ROBO1: variants seen among roughly 807,000 people sequenced by gnomAD.
The protein encoded by ROBO1 is roundabout homolog 1.
A neutral mutation model predicts 195.9 loss-of-function variants in ROBO1; 149 were observed. That is an observed-to-expected ratio of 0.76 (90% CI 0.67 to 0.87). The LOEUF is 0.87. Among genes scored for constraint, ROBO1 ranks in the 40% least tolerant of loss-of-function variants. ROBO1 has a pLI of 0.00. For missense variants in ROBO1, 1,933 were observed against 2,068.3 expected, an observed-to-expected ratio of 0.93 and a Z score of 1.27; for synonymous variants, 816 against 733.2, an observed-to-expected ratio of 1.11 and a Z score of -1.82.
chr3:78,742,328 TA>T, intron 5 of ROBO1, among the ~76,000 whole-genome samples: 1 of 152,248 alleles, frequency 6.6e-6, no homozygotes, highest in African/African-American at 2.4e-5. Flanking sequence ...ATACAAAGCT[TA>T]GGAAAGAAGA....
chr3:79,158,571 T>C (rs1041901656), intron 2 of ROBO1, among the ~76,000 whole-genome samples: 1 of 151,784 alleles, frequency 6.6e-6, no homozygotes, highest in Non-Finnish European at 1.5e-5. Flanking sequence ...TGTTTCCTTG[T>C]ATTGTTTAAG....
chr3:79,616,895 G>T (rs1038656563), intron 1 of ROBO1, among the ~76,000 whole-genome samples: 1 of 152,172 alleles, frequency 6.6e-6, no homozygotes. Flanking sequence ...CAGCATTTCT[G>T]CAGTGGACTG....
rs148965669 is a variant in ROBO1 at position 78,834,525 on chromosome 3, T to C, written c.500-87625A>G. Reference sequence around the variant, plus strand: ...TTATTAGAAATACATCTCCAGCACTTCCATATTAACATCAAAACCACAAAT... The same window carrying C: ...TTATTAGAAATACATCTCCAGCACTCCCATATTAACATCAAAACCACAAAT... On this transcript the variant is annotated intron_variant, in intron 4 of 30. Transcript: ENST00000464233. Among the ~76,000 whole-genome samples, 435 of 151,404 alleles carry C rather than the reference T, an allele frequency of 2.9e-3. 4 individuals are homozygous for C. The highest frequency in any genetic ancestry group is 9.6e-3 in the African/African-American group (397 of 41,222).
At chr3:78,722,596 A>C (rs574777401) in intron 5 of ROBO1, among the ~76,000 whole-genome samples, 1 of 152,280 alleles carries the variant, frequency 6.6e-6, no homozygotes, top group African/African-American at 2.4e-5. Context: ...AGGTCAACTA[A>C]ATAGCACCTT....
intron 3 of ROBO1, among the ~76,000 whole-genome samples, chr3:79,053,755 C>T (rs547830501): frequency 5.2e-4 from 79 of 152,030 alleles, no homozygotes; most frequent in Non-Finnish European, 8.2e-4. Context: ...CCTGTCACTT[C>T]TATGCCAACT....
intron 4 of ROBO1, among the ~76,000 whole-genome samples, chr3:78,818,504 T>C (rs1302499179): frequency 6.6e-6 from 1 of 152,200 alleles, no homozygotes; most frequent in Non-Finnish European, 1.5e-5. Context: ...ACACTTGGGC[T>C]TGGACCCAGC....
chr3:78,924,687 C>T (rs907771141), intron 4 of ROBO1, among the ~76,000 whole-genome samples: 2 of 151,716 alleles, frequency 1.3e-5, no homozygotes, highest in African/African-American at 4.8e-5. Flanking sequence ...TCCTACCTCC[C>T]CTAAGTAGCA....
At chr3:79,216,181 G>A (rs2082052912) in intron 2 of ROBO1, among the ~76,000 whole-genome samples, 1 of 151,622 alleles carries the variant, frequency 6.6e-6, no homozygotes, top group Non-Finnish European at 1.5e-5. Context: ...ATTTTTTTAA[G>A]GAAACTTATT....
intron 2 of ROBO1, among the ~76,000 whole-genome samples, chr3:79,543,142 T>C (rs1942139074): frequency 6.6e-6 from 1 of 152,094 alleles, no homozygotes; most frequent in African/African-American, 2.4e-5. Context: ...AAGCTATTCA[T>C]TAGCTGTCAT....
At chr3:79,322,924 C>A (rs2034048236) in intron 2 of ROBO1, among the ~76,000 whole-genome samples, 1 of 152,126 alleles carries the variant, frequency 6.6e-6, no homozygotes, top group Admixed American at 6.6e-5. Flanking sequence ...ATTTGTTAAT[C>A]TTTTAAATCT....
chr3:78,731,253 T>A (rs888777759), intron 5 of ROBO1, among the ~76,000 whole-genome samples: 1 of 152,054 alleles, frequency 6.6e-6, no homozygotes. Context: ...GGGATATGAG[T>A]GTTTTATATG....
At chr3:79,757,691 A>G (rs1027418436) in intron 1 of ROBO1, among the ~76,000 whole-genome samples, 1 of 152,072 alleles carries the variant, frequency 6.6e-6, no homozygotes, top group African/African-American at 2.4e-5. Flanking sequence ...AATAATAACT[A>G]TAATAATAAT....
intron 2 of ROBO1, among the ~76,000 whole-genome samples, chr3:79,534,626 C>T (rs1229954481): frequency 6.6e-6 from 1 of 152,092 alleles, no homozygotes; most frequent in Non-Finnish European, 1.5e-5. Flanking sequence ...TTCTTTTATA[C>T]CAATGCTTTC....
chr3:78,673,605 T>TATATACAC (rs779997525), intron 10 of ROBO1, among the ~76,000 whole-genome samples: 42 of 53,248 alleles, frequency 7.9e-4, no homozygotes, highest in Non-Finnish European at 9.1e-4. Context: ...TATATATATA[T>TATATACAC]ACACACATAT....
chr3:78,946,652 G>T (rs1256835588), intron 3 of ROBO1, among the ~76,000 whole-genome samples: 1 of 152,240 alleles, frequency 6.6e-6, no homozygotes, highest in African/African-American at 2.4e-5. Flanking sequence ...ATAATGACAG[G>T]ATCAGATTCA....
intron 2 of ROBO1, among the ~76,000 whole-genome samples, chr3:79,567,074 T>C (rs1943113734): frequency 6.6e-6 from 1 of 152,094 alleles, no homozygotes; most frequent in East Asian, 1.9e-4. Flanking sequence ...TATGCAGCCG[T>C]AAAAAGAAGA....
chr3:79,617,066 G>C (rs1944848021), intron 1 of ROBO1, among the ~76,000 whole-genome samples: 1 of 152,224 alleles, frequency 6.6e-6, no homozygotes, highest in Non-Finnish European at 1.5e-5. Context: ...CATGAGCCCT[G>C]GGATGAGGGT....
chr3:78,953,471 T>C (rs948671207), intron 3 of ROBO1, among the ~76,000 whole-genome samples: 1 of 152,094 alleles, frequency 6.6e-6, no homozygotes, highest in African/African-American at 2.4e-5. Flanking sequence ...GTAGTATGAA[T>C]TGTGTTAAGC....
chr3:79,275,170 C>T (rs1034567316), intron 2 of ROBO1, among the ~76,000 whole-genome samples: 1 of 151,852 alleles, frequency 6.6e-6, no homozygotes, highest in African/African-American at 2.4e-5. Context: ...CAGACAAAGA[C>T]ACATAAGAAA....
Sources: gnomAD v4.1 joint callset for allele counts (sites outside exome capture counted in the v4.1 genomes callset) on GRCh38, gnomAD v4.1.1 for gene constraint, MANE v1.5 for transcripts, NCBI Gene and HGNC (gene_info 2026-07-23, HGNC 2026-07-21) for gene names.